Variants in STXBP5L observed in about 807,000 individuals in gnomAD.
The protein encoded by STXBP5L is syntaxin binding protein 5L, also known as syntaxin-binding protein 5-like.
In STXBP5L, 65 loss-of-function variants were observed where a neutral mutation model predicts 144.5. The ratio of observed to expected loss-of-function variants is 0.45; its 90% CI spans 0.37 to 0.55. The LOEUF is 0.55. Ranked by LOEUF, STXBP5L falls within the 20% of genes least tolerant of loss-of-function variation. The pLI is 0.00. For missense variants in STXBP5L, 1,298 were observed against 1,405.5 expected (o/e 0.92, Z 1.22); for synonymous variants, 505 against 469.6 (o/e 1.08, Z -0.97).
chr3:121,313,658 T>C (rs1577432661), intron 19 of STXBP5L, among the ~76,000 whole-genome samples: 3 of 40,132 alleles, frequency 7.5e-5, no homozygotes, highest in African/African-American at 1.2e-4. Context: ...GCAGAGGGGC[T>C]CCTCACTTCC....
At chr3:121,060,760 A>T (rs2041233038) in intron 5 of STXBP5L, among the ~76,000 whole-genome samples, 1 of 152,194 alleles carries the variant, frequency 6.6e-6, no homozygotes, top group Admixed American at 6.5e-5. Flanking sequence ...TTATTTCCAT[A>T]GAGGTGTTTA....
chr3:121,346,496 T>A (rs1287436028), intron 20 of STXBP5L, among the ~76,000 whole-genome samples: 1 of 152,174 alleles, frequency 6.6e-6, no homozygotes, highest in East Asian at 1.9e-4. Flanking sequence ...CAAATGGTAT[T>A]TCTAGTACTA....
chr3:121,223,228 G>T, intron 11 of STXBP5L, 71 bp downstream of exon 11: 1 of 1,474,472 alleles, frequency 6.8e-7, no homozygotes, highest in Non-Finnish European at 9.1e-7. Context: ...ACAAAATTAA[G>T]GTTAAATATT....
At chr3:121,371,905 A>G (rs2046041934) in intron 20 of STXBP5L, among the ~76,000 whole-genome samples, 1 of 152,194 alleles carries the variant, frequency 6.6e-6, no homozygotes, top group Non-Finnish European at 1.5e-5. Context: ...CGCTGGGAGA[A>G]GTGGGACAAG....
chr3:121,343,858 A>G (rs1467857290), intron 20 of STXBP5L, among the ~76,000 whole-genome samples: 2 of 152,154 alleles, frequency 1.3e-5, no homozygotes, highest in African/African-American at 4.8e-5. Flanking sequence ...CATCCCCATC[A>G]GGCTACCAAT....
At position 121,222,082 on chromosome 3, in the gene STXBP5L, A is replaced by G. The variant is rs550358077; in HGVS notation, c.957-921A>G. Among the ~76,000 whole-genome samples, 47 of 152,204 alleles carry G rather than the reference A, an allele frequency of 3.1e-4. No homozygotes were observed. In the South Asian group the frequency reaches 9.5e-3, roughly 31 times the overall value. ...TTATATTCTCAAATAATTTGATACAATAAAAGCCTCTAGGTCTTTAAAAAA... is the reference window on the plus strand; with the variant it reads ...TTATATTCTCAAATAATTTGATACAGTAAAAGCCTCTAGGTCTTTAAAAAA... On this transcript the variant is annotated intron_variant, in intron 10 of 26. Coordinates refer to ENST00000471454, the MANE Select transcript of STXBP5L (RefSeq NM_001308330.2).
intron 3 of STXBP5L, among the ~76,000 whole-genome samples, chr3:121,009,115 G>C (rs916689885): frequency 2.0e-5 from 3 of 151,920 alleles, no homozygotes; most frequent in Non-Finnish European, 4.4e-5. Context: ...TGGTCACTCT[G>C]TTCCTCATTA....
intron 5 of STXBP5L, among the ~76,000 whole-genome samples, chr3:121,057,473 C>G (rs368751124): frequency 2.4e-4 from 37 of 152,048 alleles, no homozygotes; most frequent in African/African-American, 8.9e-4. Flanking sequence ...TTCATAGAAA[C>G]TCCCCTATGT....
At chr3:121,387,844 C>A (rs1176097817) in intron 22 of STXBP5L, among the ~76,000 whole-genome samples, 1 of 152,166 alleles carries the variant, frequency 6.6e-6, no homozygotes, top group Non-Finnish European at 1.5e-5. Flanking sequence ...TTGATGCCTC[C>A]AGCTTTGTTC....
At chr3:121,147,744 G>C (rs1246724756) in intron 7 of STXBP5L, among the ~76,000 whole-genome samples, 1 of 152,156 alleles carries the variant, frequency 6.6e-6, no homozygotes, top group Non-Finnish European at 1.5e-5. Context: ...GAGTGAAGCA[G>C]GTTGCCATTC....
At chr3:121,325,358 G>A (rs2108545961) in intron 20 of STXBP5L, among the ~76,000 whole-genome samples, 1 of 152,136 alleles carries the variant, frequency 6.6e-6, no homozygotes, top group South Asian at 2.1e-4. Context: ...CCCAGCATAT[G>A]CCTTTTTCTG....
chr3:121,233,611 TG>T lies in STXBP5L; in HGVS notation c.1112-4del. ...AAACTTTTCATTTTTTATTTTTACT[TG>T]TAGAATTTCAAGAACCCTATGCTGT... On this transcript the variant is annotated splice_region_variant and splice_polypyrimidine_tract_variant and intron_variant, in intron 11 of 26. Transcript: ENST00000471454. 6.2e-7 allele frequency: 1 copy of T among 1,605,880 alleles called. No individual in the cohort carries two copies. The highest frequency in any genetic ancestry group is 1.1e-5 in the South Asian group (1 of 89,422).
chr3:121,309,608 G>A (rs1017031834), intron 19 of STXBP5L, among the ~76,000 whole-genome samples: 9 of 152,070 alleles, frequency 5.9e-5, no homozygotes, highest in Admixed American at 1.3e-4. Context: ...AAAAGAATTA[G>A]ATGACTGGAA....
At position 121,221,944 on chromosome 3, in the gene STXBP5L, G is replaced by A. The variant is rs374234065; in HGVS notation, c.957-1059G>A. Among the ~76,000 whole-genome samples, 6 of 151,820 alleles carry A rather than the reference G, an allele frequency of 4.0e-5. No individual in the cohort carries two copies. The East Asian group carries it at 5.8e-4, about 15-fold the overall frequency. ...AAATGTCCCACTGATAATGTTTGGCGCCACACACAGTACAAAACGGAAGAG... is the reference window on the plus strand; with the variant it reads ...AAATGTCCCACTGATAATGTTTGGCACCACACACAGTACAAAACGGAAGAG... On this transcript the variant is annotated intron_variant, in intron 10 of 26. Transcript: ENST00000471454.
intron 3 of STXBP5L, among the ~76,000 whole-genome samples, chr3:120,962,103 C>T (rs1448496840): frequency 1.3e-5 from 2 of 151,826 alleles, no homozygotes; most frequent in African/African-American, 4.8e-5. Context: ...TATCATTTGC[C>T]CACTTTTCGA....
At chr3:121,270,727 A>G (rs560467365) in intron 18 of STXBP5L, among the ~76,000 whole-genome samples, 1 of 152,310 alleles carries the variant, frequency 6.6e-6, no homozygotes, top group African/African-American at 2.4e-5. Flanking sequence ...TGCTGAGATT[A>G]CAGGCGTGAG....
chr3:120,979,601 A>G (rs1941528616), intron 3 of STXBP5L, among the ~76,000 whole-genome samples: 1 of 152,014 alleles, frequency 6.6e-6, no homozygotes, highest in Non-Finnish European at 1.5e-5. Flanking sequence ...TGAACCCGGT[A>G]CCTCCGATGG....
chr3:121,183,920 C>T (rs1428220408), intron 9 of STXBP5L, among the ~76,000 whole-genome samples: 2 of 152,008 alleles, frequency 1.3e-5, no homozygotes, highest in Non-Finnish European at 2.9e-5. Flanking sequence ...CCCAGGCAAA[C>T]AGGGTCTGGA....
At chr3:121,030,775 T>C (rs546059359) in intron 3 of STXBP5L, among the ~76,000 whole-genome samples, 22 of 152,214 alleles carry the variant, frequency 1.4e-4, no homozygotes, top group African/African-American at 5.1e-4. Context: ...TAACATGTCC[T>C]GTAGAAGATT....
Sources: gnomAD v4.1 joint callset for allele counts (sites outside exome capture counted in the v4.1 genomes callset) on GRCh38, gnomAD v4.1.1 for gene constraint, MANE v1.5 for transcripts, NCBI Gene and HGNC (gene_info 2026-07-23, HGNC 2026-07-21) for gene names.